The following PTPRT variants were observed in gnomAD, a reference collection of about 807,000 sequenced individuals.
PTPRT encodes protein tyrosine phosphatase receptor type T, also known as receptor-type tyrosine-protein phosphatase T.
Under a neutral mutation model 176.8 loss-of-function variants are expected in PTPRT, and 56 were observed. The ratio of observed to expected loss-of-function variants is 0.32; its 90% CI spans 0.26 to 0.40. The LOEUF is 0.40. PTPRT is among the 10% of genes least tolerant of loss of function. The pLI is 1.00. For missense variants in PTPRT, 1,540 were observed against 1,908.2 expected, an observed-to-expected ratio of 0.81 and a Z score of 3.60; for synonymous variants, 783 against 739.0, an observed-to-expected ratio of 1.06 and a Z score of -0.96.
chr20:43,151,760 G>A (rs2014362707), intron 1 of PTPRT, among the ~76,000 whole-genome samples: 1 of 152,080 alleles, frequency 6.6e-6, no homozygotes, highest in African/African-American at 2.4e-5. Context: ...CTACTCAGGA[G>A]GCTGAGGTAG....
chr20:42,114,199 G>A (rs1351252600), intron 22 of PTPRT, among the ~76,000 whole-genome samples: 1 of 152,250 alleles, frequency 6.6e-6, no homozygotes, highest in Admixed American at 6.5e-5. Flanking sequence ...CAGGAGCCAA[G>A]GTGTGAATCC....
chr20:42,770,084 C>T (rs2077041028), intron 5 of PTPRT, among the ~76,000 whole-genome samples: 1 of 152,166 alleles, frequency 6.6e-6, no homozygotes, highest in Non-Finnish European at 1.5e-5. Flanking sequence ...AAATTATATA[C>T]TTTAAACATC....
intron 5 of PTPRT, among the ~76,000 whole-genome samples, chr20:42,770,593 G>A (rs553422906): frequency 1.3e-5 from 2 of 152,118 alleles, no homozygotes; most frequent in South Asian, 2.1e-4. Flanking sequence ...CTTTACTAAC[G>A]GACTTATTTA....
At chr20:43,164,409 A>C (rs1483229663) in intron 1 of PTPRT, among the ~76,000 whole-genome samples, 1 of 152,244 alleles carries the variant, frequency 6.6e-6, no homozygotes, top group Non-Finnish European at 1.5e-5. Flanking sequence ...ATAACCAAAT[A>C]AATAAATACT....
At chr20:42,262,787 C>T (rs1600744887) in intron 13 of PTPRT, among the ~76,000 whole-genome samples, 1 of 146,388 alleles carries the variant, frequency 6.8e-6, no homozygotes, top group Non-Finnish European at 1.5e-5. Context: ...CAAACAGCTC[C>T]AACAAAACAT....
intron 2 of PTPRT, among the ~76,000 whole-genome samples, chr20:42,804,515 T>C (rs982539618): frequency 2.0e-5 from 3 of 152,148 alleles, no homozygotes; most frequent in Non-Finnish European, 4.4e-5. Flanking sequence ...AATCAGGAAG[T>C]AGAGGCAGCT....
intron 2 of PTPRT, among the ~76,000 whole-genome samples, chr20:42,859,628 G>A (rs983795750): frequency 3.6e-5 from 5 of 138,358 alleles, no homozygotes; most frequent in South Asian, 2.2e-4. Flanking sequence ...CTGTCACCCA[G>A]GCTGGAGTGC....
At chr20:42,438,426 C>A (rs1375599764) in intron 9 of PTPRT, among the ~76,000 whole-genome samples, 1 of 152,134 alleles carries the variant, frequency 6.6e-6, no homozygotes, top group East Asian at 1.9e-4. Context: ...TCACAGGCCC[C>A]CCTAGTTTAG....
intron 13 of PTPRT, among the ~76,000 whole-genome samples, chr20:42,269,356 C>T (rs2056891775): frequency 6.6e-6 from 1 of 152,186 alleles, no homozygotes; most frequent in African/African-American, 2.4e-5. Flanking sequence ...GCTGCACCTC[C>T]TTCTCCACCA....
intron 16 of PTPRT, among the ~76,000 whole-genome samples, chr20:42,197,333 C>T (rs113090707): frequency 0.02 from 2,635 of 134,296 alleles, 83 homozygotes; most frequent in African/African-American, 0.069. Flanking sequence ...GAGCAGAGAT[C>T]GCACCACTGC....
At chr20:43,164,552 G>A (rs919863688) in intron 1 of PTPRT, among the ~76,000 whole-genome samples, 8 of 152,192 alleles carry the variant, frequency 5.3e-5, no homozygotes, top group Non-Finnish European at 8.8e-5. Flanking sequence ...CCAAGGTCTT[G>A]AGGGAGACAG....
intron 13 of PTPRT, among the ~76,000 whole-genome samples, chr20:42,273,712 T>G (rs1255246105): frequency 6.6e-6 from 1 of 152,242 alleles, no homozygotes; most frequent in Non-Finnish European, 1.5e-5. Context: ...TACATGAAAG[T>G]CTGATTCAGT....
intron 19 of PTPRT, among the ~76,000 whole-genome samples, chr20:42,124,202 G>A (rs542958896): frequency 2.0e-5 from 3 of 152,206 alleles, no homozygotes; most frequent in African/African-American, 4.8e-5. Context: ...CGCCAAGAGC[G>A]AGTACAGAAA....
At chr20:42,448,395 T>A in intron 8 of PTPRT, 66 bp from the exon 9 acceptor site, 1 of 1,264,522 alleles carries the variant, frequency 7.9e-7, no homozygotes, top group Non-Finnish European at 1.2e-6. Context: ...CCCGCTGACC[T>A]AGAACAGGGG....
chr20:42,809,973 T>A (rs1027539230), intron 2 of PTPRT, among the ~76,000 whole-genome samples: 1 of 152,132 alleles, frequency 6.6e-6, no homozygotes, highest in Non-Finnish European at 1.5e-5. Flanking sequence ...CTTACCCTCA[T>A]GCTTAGACTT....
At chr20:42,232,035 T>C (rs1053552982) in intron 15 of PTPRT, among the ~76,000 whole-genome samples, 6 of 152,218 alleles carry the variant, frequency 3.9e-5, no homozygotes, top group Non-Finnish European at 8.8e-5. Flanking sequence ...TTTATTTTTG[T>C]TATATATGTT....
At chr20:42,660,440 G>A (rs2075202867) in intron 7 of PTPRT, among the ~76,000 whole-genome samples, 1 of 152,100 alleles carries the variant, frequency 6.6e-6, no homozygotes, top group East Asian at 1.9e-4. Context: ...GAAAAACAAA[G>A]TTGAAACTTC....
At chr20:42,441,818 T>C (rs1482296731) in intron 9 of PTPRT, among the ~76,000 whole-genome samples, 1 of 152,212 alleles carries the variant, frequency 6.6e-6, no homozygotes, top group Non-Finnish European at 1.5e-5. Context: ...AAGAGCTTTT[T>C]TCCTTGTTAC....
rs1161994908 is a variant in PTPRT at position 42,646,882 on chromosome 20, C to CTTTTTTTTTTTTTTTTT, written c.1153+30967_1153+30983dup. Reference sequence around the variant, plus strand: ...TCTAGAGATCCCAACCTAAGACAGCCTTTTTTTTTTTTTTTTTTTTTTTTT... The same window carrying CTTTTTTTTTTTTTTTTT: ...TCTAGAGATCCCAACCTAAGACAGCCTTTTTTTTTTTTTTTTTTTTTTTTTTTTTTTTTTTTTTTTTT... On this transcript the variant is annotated intron_variant, in intron 7 of 30. Coordinates refer to ENST00000373187, the MANE Select transcript of PTPRT (RefSeq NM_007050.6). 1.0e-4 allele frequency among the ~76,000 whole-genome samples: 8 copies of CTTTTTTTTTTTTTTTTT among 76,282 alleles called. 1 individual carries two copies. The highest frequency in any genetic ancestry group is 6.0e-4 in the African/African-American group (8 of 13,366). 50.0% of individuals were successfully genotyped at this position (76,282 alleles called of 152,430 possible). A position where few individuals can be genotyped will look rare whatever the true frequency, so the allele number is the denominator to read the frequency against.
Sources: gnomAD v4.1 joint callset for allele counts (sites outside exome capture counted in the v4.1 genomes callset) on GRCh38, gnomAD v4.1.1 for gene constraint, MANE v1.5 for transcripts, NCBI Gene and HGNC (gene_info 2026-07-23, HGNC 2026-07-21) for gene names.